TOP1MT: variants seen among roughly 807,000 people sequenced by gnomAD.
TOP1MT encodes DNA topoisomerase I, mitochondrial.
TOP1MT carries 80 observed loss-of-function variants against 73.9 expected under a neutral mutation model. The observed-to-expected ratio is 1.08, with a 90% CI of 0.90 to 1.30. The LOEUF is 1.30. Among genes scored for constraint, TOP1MT ranks in the 50% most tolerant of loss-of-function variants. The pLI, the probability that TOP1MT is intolerant of heterozygous loss-of-function variation, is 0.00. For synonymous variants in TOP1MT, 338 were observed against 326.4 expected, an observed-to-expected ratio of 1.04 and a Z score of -0.38; for missense variants, 815 against 808.0, an observed-to-expected ratio of 1.01 and a Z score of -0.10.
chr8:143,320,064 C>T (rs2130003202), intron 8 of TOP1MT, among the ~76,000 whole-genome samples: 1 of 151,852 alleles, frequency 6.6e-6, no homozygotes, highest in Middle Eastern at 3.4e-3. Flanking sequence ...GCGGAGGTCG[C>T]AGTCAGCCAA....
intron 1 of TOP1MT, among the ~76,000 whole-genome samples, chr8:143,350,560 G>A (rs1419310349): frequency 6.6e-6 from 1 of 152,202 alleles, no homozygotes; most frequent in Non-Finnish European, 1.5e-5. Flanking sequence ...TCGAACTCCT[G>A]ACCTCAAGTG....
At chr8:143,347,397 C>T (rs934643075), upstream of TOP1MT, among the ~76,000 whole-genome samples, 22 of 152,172 alleles carry the variant, frequency 1.4e-4, no homozygotes, top group African/African-American at 3.4e-4. Context: ...CCTCGTGATC[C>T]GCCCGCCTTG....
At chr8:143,322,647 ACGCACAC>A (rs1563759789) in intron 7 of TOP1MT, among the ~76,000 whole-genome samples, 1 of 105,708 alleles carries the variant, frequency 9.5e-6, no homozygotes, top group African/African-American at 4.9e-5. Context: ...CACACGCCAC[ACGCACAC>A]CACACACGCA....
In TOP1MT at chr8:143,322,769, CCA is replaced by C. The variant is rs549389876; in HGVS notation, c.960+1228_960+1229del. ...CACGCACGCACGCCACACACGCACGCCACACACAGGCACGCCACACACATGCA... is the reference window on the plus strand; with the variant it reads ...CACGCACGCACGCCACACACGCACGCCACACAGGCACGCCACACACATGCA... On this transcript the variant is annotated intron_variant, in intron 7 of 13. Transcript: ENST00000329245. 5.3e-3 allele frequency among the ~76,000 whole-genome samples: 188 copies of C among 35,608 alleles called. 30 individuals are homozygous for C. Among genetic ancestry groups the C allele is most frequent in the Non-Finnish European group, 7.6e-3 (157 of 20,794 alleles). 23.4% of individuals were successfully genotyped at this position (35,608 alleles called of 152,430 possible). A position where few individuals can be genotyped will look rare whatever the true frequency, so the allele number is the denominator to read the frequency against.
At chr8:143,326,099 A>G (rs1816699924) in intron 4 of TOP1MT, 123 bp downstream of exon 4, 1 of 1,177,606 alleles carries the variant, frequency 8.5e-7, no homozygotes, top group African/African-American at 1.5e-5. Flanking sequence ...GGCTGACGAG[A>G]AAAGAGCAGC....
upstream of TOP1MT, among the ~76,000 whole-genome samples, chr8:143,347,708 C>G (rs932493416): frequency 1.3e-5 from 2 of 150,970 alleles, no homozygotes; most frequent in Non-Finnish European, 2.9e-5. Flanking sequence ...AGCCAGCCAG[C>G]CAGCCAGCCA....
upstream of TOP1MT, among the ~76,000 whole-genome samples, chr8:143,337,948 C>T (rs568234444): frequency 1.3e-5 from 2 of 152,282 alleles, no homozygotes; most frequent in African/African-American, 4.8e-5. Context: ...GCCCCAGTTA[C>T]GTAGCCCCCA....
intron 12 of TOP1MT, among the ~76,000 whole-genome samples, chr8:143,310,908 G>C (rs926879175): frequency 6.6e-6 from 1 of 151,770 alleles, no homozygotes; most frequent in Non-Finnish European, 1.5e-5. Flanking sequence ...CAGAGGAAGA[G>C]CCAGCACGCA....
At position 143,334,876 on chromosome 8, in the gene TOP1MT, G is replaced by A. The variant is rs1816953265; in HGVS notation, c.-15C>T. ...ACCACGCGCATCTGCCAGCCTCCGG[G>A]AAAGAGCGACAAGCTGGGCCCCGCC... On this transcript the variant is annotated 5_prime_UTR_variant, in exon 1 of 14. Transcript: ENST00000329245. 6.9e-7 allele frequency: 1 copy of A among 1,439,004 alleles called. No individual in the cohort carries two copies. Among genetic ancestry groups the A allele is most frequent in the South Asian group, 1.3e-5 (1 of 76,450 alleles). 89.1% of individuals were successfully genotyped at this position (1,439,004 alleles called of 1,614,324 possible). A position where few individuals can be genotyped will look rare whatever the true frequency, so the allele number is the denominator to read the frequency against.
chr8:143,329,789 A>G (rs910880515), intron 2 of TOP1MT, among the ~76,000 whole-genome samples: 3 of 152,258 alleles, frequency 2.0e-5, no homozygotes, highest in Non-Finnish European at 1.5e-5. Flanking sequence ...GTACAATTTT[A>G]AAACACACCA....
chr8:143,329,555 C>T lies in TOP1MT; in HGVS notation c.239-84G>A, dbSNP rs1466661169. 4.1e-5 allele frequency: 61 copies of T among 1,493,522 alleles called. 1 individual carries two copies. The Middle Eastern group carries it at 9.2e-4, about 23-fold the overall frequency. The allele number at this position is 1,493,522 out of a possible 1,614,324, so 92.5% of individuals were successfully genotyped here. ...GACATGACCTCATTGCTTTAAACTA[C>T]GCTTTCGTGCGTACTATGCCAAGAG... is the stretch of plus-strand genomic sequence containing the variant. On this transcript the variant is annotated intron_variant, in intron 2 of 13. Transcript: ENST00000329245.
chr8:143,359,008 T>C (rs1450880020), upstream of TOP1MT, among the ~76,000 whole-genome samples: 2 of 124,338 alleles, frequency 1.6e-5, no homozygotes, highest in Admixed American at 1.4e-4. Context: ...TTGTTTTCTG[T>C]TTTTTGGTTT....
chr8:143,317,322 C>T (rs1273094285), intron 10 of TOP1MT, among the ~76,000 whole-genome samples: 4 of 152,162 alleles, frequency 2.6e-5, no homozygotes, highest in African/African-American at 9.7e-5. Context: ...GAGACAGGGC[C>T]GTGGACAGAG....
At chr8:143,330,553 C>T (rs1816825607) in intron 2 of TOP1MT, among the ~76,000 whole-genome samples, 4 of 152,170 alleles carry the variant, frequency 2.6e-5, no homozygotes, top group African/African-American at 7.2e-5. Flanking sequence ...AGGGGGCCCA[C>T]GGGAGGGCTG....
upstream of TOP1MT, among the ~76,000 whole-genome samples, chr8:143,337,228 C>G (rs929118288): frequency 6.6e-6 from 1 of 152,112 alleles, no homozygotes; most frequent in Non-Finnish European, 1.5e-5. Flanking sequence ...TCGAGACCAT[C>G]CTGGCTAAAA....
intron 4 of TOP1MT, among the ~76,000 whole-genome samples, 158 bp from the exon 5 acceptor site, chr8:143,325,691 A>G (rs56021206): frequency 0.17 from 26,320 of 152,168 alleles, 2,866 homozygotes; most frequent in South Asian, 0.32. Context: ...GGCAGGGGAC[A>G]GTGCAGGTGG....
chr8:143,348,523 C>G (rs1586784761), upstream of TOP1MT, among the ~76,000 whole-genome samples: 1 of 150,356 alleles, frequency 6.7e-6, no homozygotes, highest in East Asian at 2.0e-4. The surrounding 1 kb of genome is among the most constrained non-coding windows in gnomAD (Gnocchi z 4.6). Context: ...AAGGGGTGCC[C>G]TGCAGGGGTG....
chr8:143,313,023 A>G (rs1223313146), intron 12 of TOP1MT, among the ~76,000 whole-genome samples: 1 of 152,198 alleles, frequency 6.6e-6, no homozygotes, highest in Non-Finnish European at 1.5e-5. Flanking sequence ...GACTATGGTG[A>G]GCTAGGATGC....
upstream of TOP1MT, chr8:143,359,526 G>C (rs1817467290): frequency 1.5e-6 from 1 of 679,742 alleles, no homozygotes; most frequent in African/African-American, 2.0e-5. Flanking sequence ...GGAGCCAAGG[G>C]AGCGATGAGG....
Sources: allele counts gnomAD v4.1 joint callset (sites outside exome capture counted in the v4.1 genomes callset), GRCh38; gene constraint gnomAD v4.1.1; non-coding constraint Gnocchi (gnomAD v3.1); transcripts MANE v1.5; gene names NCBI Gene and HGNC (gene_info 2026-07-23, HGNC 2026-07-21).